The following LHFPL3 variants were observed in gnomAD, a reference collection of about 807,000 sequenced individuals.
The protein encoded by LHFPL3 is LHFPL tetraspan subfamily member 3 protein.
LHFPL3 carries 5 observed loss-of-function variants against 19.3 expected under a neutral mutation model. The observed-to-expected ratio is 0.26, with a 90% CI of 0.14 to 0.54. The LOEUF (loss-of-function observed/expected upper bound fraction) is 0.54, where lower values mean the gene tolerates loss of function less well. Ranked by LOEUF, LHFPL3 falls within the 20% of genes least tolerant of loss-of-function variation. The pLI, the probability that LHFPL3 is intolerant of heterozygous loss-of-function variation, is 0.94. For missense variants in LHFPL3, 249 were observed against 307.4 expected, an observed-to-expected ratio of 0.81 and a Z score of 1.42; for synonymous variants, 133 against 126.2, an observed-to-expected ratio of 1.05 and a Z score of -0.36.
intron 2 of LHFPL3, among the ~76,000 whole-genome samples, chr7:104,852,985 G>A (rs879720483): frequency 8.5e-5 from 13 of 152,096 alleles, no homozygotes; most frequent in African/African-American, 1.7e-4. Flanking sequence ...CCGTCTGCCC[G>A]AGGCAGGAGT....
chr7:104,454,524 G>A (rs186649833), intron 1 of LHFPL3, among the ~76,000 whole-genome samples: 39 of 152,250 alleles, frequency 2.6e-4, no homozygotes, highest in Non-Finnish European at 7.4e-5. Context: ...TGTAATATTA[G>A]GAAGAGCCCT....
intron 2 of LHFPL3, among the ~76,000 whole-genome samples, chr7:104,771,675 C>T (rs1012767518): frequency 2.6e-5 from 4 of 152,132 alleles, no homozygotes; most frequent in South Asian, 4.1e-4. Flanking sequence ...ATACTGCTCA[C>T]GCCACTCATA....
chr7:104,784,797 A>G (rs1465796505), intron 2 of LHFPL3, among the ~76,000 whole-genome samples: 3 of 152,254 alleles, frequency 2.0e-5, no homozygotes, highest in Admixed American at 6.5e-5. Context: ...ATATTGTGCT[A>G]TGTGAAATAA....
intron 1 of LHFPL3, among the ~76,000 whole-genome samples, chr7:104,392,418 G>A (rs1791092543): frequency 6.6e-6 from 1 of 151,846 alleles, no homozygotes; most frequent in Non-Finnish European, 1.5e-5. Context: ...TTTGTCAAAG[G>A]CCTTTTCTGC....
chr7:104,531,387 C>G lies in LHFPL3; in HGVS notation c.445+202163C>G, dbSNP rs188784829. Among the ~76,000 whole-genome samples the G allele has an allele frequency of 4.6e-5, 7 of 152,258 alleles. No homozygotes were observed. In the East Asian group the frequency reaches 1.2e-3, roughly 25 times the overall value. ...GTTGGCAAGGACCGGTGTGTCTGAA[C>G]TGACTTATTTTCTAGTGGGAGGGGT... On this transcript the variant is annotated intron_variant, in intron 1 of 2. Coordinates refer to ENST00000424859, the MANE Select transcript of LHFPL3 (RefSeq NM_199000.3).
chr7:104,406,835 C>T (rs1765747699), intron 1 of LHFPL3, among the ~76,000 whole-genome samples: 2 of 152,236 alleles, frequency 1.3e-5, no homozygotes, highest in South Asian at 4.1e-4. Context: ...CACACCTTTG[C>T]TTGAGGGGAC....
intron 1 of LHFPL3, among the ~76,000 whole-genome samples, chr7:104,549,070 A>T (rs1054611163): frequency 6.6e-6 from 1 of 152,138 alleles, no homozygotes; most frequent in African/African-American, 2.4e-5. Context: ...ACAGGTTGAG[A>T]TAGGAATTTA....
chr7:104,354,225 T>C (rs1335930362), intron 1 of LHFPL3, among the ~76,000 whole-genome samples: 1 of 152,234 alleles, frequency 6.6e-6, no homozygotes. Flanking sequence ...TCTGGCTCGT[T>C]ATTGCTGACG....
At chr7:104,522,084 A>G (rs543281570) in intron 1 of LHFPL3, among the ~76,000 whole-genome samples, 3 of 152,122 alleles carry the variant, frequency 2.0e-5, no homozygotes, top group Non-Finnish European at 4.4e-5. Flanking sequence ...AGACACATGC[A>G]CACGTATGTT....
intron 1 of LHFPL3, among the ~76,000 whole-genome samples, chr7:104,723,191 G>A (rs1034127902): frequency 1.3e-5 from 2 of 152,134 alleles, no homozygotes; most frequent in East Asian, 3.8e-4. Context: ...AGCCATTTGT[G>A]TACTATTTCA....
At chr7:104,765,663 C>T (rs191596128) in intron 2 of LHFPL3, among the ~76,000 whole-genome samples, 12 of 152,298 alleles carry the variant, frequency 7.9e-5, no homozygotes, top group Non-Finnish European at 1.3e-4. Context: ...ACTGAAAGGG[C>T]AAAGGACCAA....
At chr7:104,848,900 G>GTT (rs529645748) in intron 2 of LHFPL3, among the ~76,000 whole-genome samples, 1 of 149,284 alleles carries the variant, frequency 6.7e-6, no homozygotes, top group African/African-American at 2.4e-5. Flanking sequence ...TGTTTTTTTG[G>GTT]TTTTTTTTTT....
intron 1 of LHFPL3, among the ~76,000 whole-genome samples, chr7:104,366,568 A>G (rs1215229814): frequency 6.6e-6 from 1 of 152,136 alleles, no homozygotes; most frequent in Non-Finnish European, 1.5e-5. Flanking sequence ...TTATCTTGCC[A>G]AGCACCCCGT....
At chr7:104,409,264 C>T (rs1279517989) in intron 1 of LHFPL3, among the ~76,000 whole-genome samples, 2 of 151,436 alleles carry the variant, frequency 1.3e-5, no homozygotes, top group Non-Finnish European at 2.9e-5. Context: ...GACAAGTGGC[C>T]TTCCCACATC....
At chr7:104,893,493 G>A (rs1256136989) in intron 2 of LHFPL3, among the ~76,000 whole-genome samples, 2 of 151,756 alleles carry the variant, frequency 1.3e-5, no homozygotes, top group East Asian at 3.9e-4. Context: ...CTATACTCCA[G>A]CCTGGGTGAC....
chr7:104,764,336 T>A (rs1794421292), intron 2 of LHFPL3, among the ~76,000 whole-genome samples: 1 of 152,156 alleles, frequency 6.6e-6, no homozygotes. Flanking sequence ...GCCCAGTGAA[T>A]TTTTCTGTAT....
chr7:104,540,005 T>C (rs1000678489), intron 1 of LHFPL3, among the ~76,000 whole-genome samples: 6 of 152,082 alleles, frequency 3.9e-5, no homozygotes, highest in African/African-American at 7.2e-5. Flanking sequence ...GGGGAAATCA[T>C]AGGAAATAAT....
chr7:104,518,828 T>TAGATAGATAGATAGATAGAC (rs1793980059), intron 1 of LHFPL3, among the ~76,000 whole-genome samples: 1 of 151,048 alleles, frequency 6.6e-6, no homozygotes, highest in African/African-American at 2.5e-5. Flanking sequence ...GATAGATAGA[T>TAGATAGATAGATAGATAGAC]AGATAGATAG....
At chr7:104,802,189 T>G (rs76966206) in intron 2 of LHFPL3, among the ~76,000 whole-genome samples, 1 of 152,030 alleles carries the variant, frequency 6.6e-6, no homozygotes, top group African/African-American at 2.4e-5. Flanking sequence ...ATGAATGGAA[T>G]TAGTGCCCTT....
Sources: gnomAD v4.1 joint callset for allele counts (sites outside exome capture counted in the v4.1 genomes callset) on GRCh38, gnomAD v4.1.1 for gene constraint, MANE v1.5 for transcripts, NCBI Gene and HGNC (gene_info 2026-07-23, HGNC 2026-07-21) for gene names.